AGBL4: variants seen among roughly 807,000 people sequenced by gnomAD.
AGBL4 encodes AGBL carboxypeptidase 4, also known as cytosolic carboxypeptidase 6.
A neutral mutation model predicts 66.4 loss-of-function variants in AGBL4; 58 were observed. The observed-to-expected ratio is 0.87, with a 90% confidence interval of 0.71 to 1.09. The LOEUF (loss-of-function observed/expected upper bound fraction) is 1.09. AGBL4 is among the 50% of genes least tolerant of loss of function. The probability of loss-of-function intolerance (pLI) is 0.00; values close to 1 mark genes in which losing one functional copy is unlikely to be tolerated. For missense variants in AGBL4, 579 were observed against 631.0 expected (o/e 0.92, Z 0.88); for synonymous variants, 234 against 222.9 (o/e 1.05, Z -0.44).
At chr1:49,713,075 T>C (rs1647796558) in intron 2 of AGBL4, among the ~76,000 whole-genome samples, 2 of 152,074 alleles carry the variant, frequency 1.3e-5, no homozygotes, top group African/African-American at 4.8e-5. Flanking sequence ...ATGGTTTGTA[T>C]TTTTTTATGT....
chr1:48,931,093 T>C (rs1449049247), intron 5 of AGBL4, among the ~76,000 whole-genome samples: 1 of 152,206 alleles, frequency 6.6e-6, no homozygotes, highest in African/African-American at 2.4e-5. Context: ...GCCATCTCAA[T>C]GATTTTTACT....
intron 8 of AGBL4, 143 bp from the exon 9 acceptor site, chr1:48,634,747 T>C: frequency 3.5e-6 from 2 of 565,772 alleles, no homozygotes; most frequent in East Asian, 6.3e-5. Flanking sequence ...AAGTACTTTA[T>C]ATGAGTTAAT....
chr1:49,601,428 T>C lies in AGBL4; in HGVS notation c.282+95885A>G, dbSNP rs1277287608. 2.6e-5 allele frequency among the ~76,000 whole-genome samples: 4 copies of C among 152,214 alleles called. No individual in the cohort carries two copies. The East Asian group carries it at 7.7e-4, about 29-fold the overall frequency. ...TCTTCCACTTGATAGATTTGGCTATTCATCCTTGTGTATGCTTCACGAAGT... is the reference window on the plus strand; with the variant it reads ...TCTTCCACTTGATAGATTTGGCTATCCATCCTTGTGTATGCTTCACGAAGT... On this transcript the variant is annotated intron_variant, in intron 3 of 13. Coordinates refer to ENST00000371839, the MANE Select transcript of AGBL4 (RefSeq NM_032785.4).
At chr1:49,134,423 C>T (rs1043243536) in intron 4 of AGBL4, among the ~76,000 whole-genome samples, 2 of 151,744 alleles carry the variant, frequency 1.3e-5, no homozygotes, top group African/African-American at 2.4e-5. Flanking sequence ...CGTGTTTTCT[C>T]CCTATCTACA....
intron 6 of AGBL4, among the ~76,000 whole-genome samples, chr1:48,831,756 A>G (rs763578929): frequency 6.6e-6 from 1 of 152,216 alleles, no homozygotes; most frequent in Non-Finnish European, 1.5e-5. Flanking sequence ...ATTCTCTCAT[A>G]CATAATCGGT....
At chr1:49,417,786 A>G (rs1645459803) in intron 3 of AGBL4, among the ~76,000 whole-genome samples, 1 of 152,140 alleles carries the variant, frequency 6.6e-6, no homozygotes, top group East Asian at 1.9e-4. Flanking sequence ...TTGACATGCA[A>G]TCAACTACAG....
intron 3 of AGBL4, among the ~76,000 whole-genome samples, chr1:49,671,483 T>G (rs1200527668): frequency 2.0e-5 from 3 of 151,954 alleles, no homozygotes; most frequent in Admixed American, 2.0e-4. Flanking sequence ...AATTGACAAA[T>G]GAGAACTAAT....
At chr1:49,052,769 C>T (rs1000776392) in intron 4 of AGBL4, among the ~76,000 whole-genome samples, 2 of 152,228 alleles carry the variant, frequency 1.3e-5, no homozygotes, top group African/African-American at 4.8e-5. Flanking sequence ...TTGCATAAAA[C>T]CTAGCATATA....
intron 4 of AGBL4, among the ~76,000 whole-genome samples, chr1:49,213,521 GC>G (rs1339210753): frequency 1.3e-5 from 2 of 151,800 alleles, no homozygotes; most frequent in Non-Finnish European, 2.9e-5. Context: ...TCCTATTTCC[GC>G]CATGTGAGAC....
At position 48,736,214 on chromosome 1, in the gene AGBL4, A is replaced by G. The variant is rs11205532; in HGVS notation, c.635-72973T>C. On this transcript the variant is annotated intron_variant, in intron 6 of 13. Transcript: ENST00000371839. This position sits in a 1 kb window ranked among gnomAD's most constrained non-coding sequence, Gnocchi z 4.0. ...CAGAGTAAAAGACAGAATCCCAGCCATTGTGTTTCCACTCAGTGACCTACC... is the reference window on the plus strand; with the variant it reads ...CAGAGTAAAAGACAGAATCCCAGCCGTTGTGTTTCCACTCAGTGACCTACC... 160 of 1,594,706 alleles carry G rather than the reference A, an allele frequency of 1.0e-4. No individual in the cohort carries two copies. The African/African-American group carries it at 1.9e-3, about 19-fold the overall frequency.
intron 3 of AGBL4, among the ~76,000 whole-genome samples, chr1:49,469,643 A>G (rs2148710485): frequency 1.3e-5 from 2 of 152,042 alleles, no homozygotes; most frequent in African/African-American, 4.8e-5. Flanking sequence ...ATAGTTGATG[A>G]TTCTTGCTAA....
intron 1 of AGBL4, chr1:49,866,065 G>T (rs902001780): frequency 5.2e-6 from 1 of 193,188 alleles, no homozygotes; most frequent in Non-Finnish European, 1.1e-5. Flanking sequence ...AGAGAAAGAA[G>T]AATAAAAAGA....
intron 1 of AGBL4, among the ~76,000 whole-genome samples, chr1:49,930,044 G>A (rs1329383569): frequency 1.3e-5 from 2 of 151,614 alleles, no homozygotes; most frequent in Non-Finnish European, 2.9e-5. Flanking sequence ...CTTTAAGAAA[G>A]CAAATAAAAT....
intron 3 of AGBL4, among the ~76,000 whole-genome samples, chr1:49,518,088 T>A (rs1268789434): frequency 2.0e-5 from 3 of 152,070 alleles, no homozygotes; most frequent in African/African-American, 7.2e-5. Context: ...CTCAAGAGAT[T>A]CACAGTTTGT....
At position 48,771,057 on chromosome 1, in the gene AGBL4, G is replaced by T. The variant is rs184738894; in HGVS notation, c.634+96134C>A. ...ATGTAGAATATGTGCACTGAACCTG[G>T]AACCAGGTGAGTATTTATAACATAT... On this transcript the variant is annotated intron_variant, in intron 6 of 13. Coordinates refer to ENST00000371839, the MANE Select transcript of AGBL4 (RefSeq NM_032785.4). Among the ~76,000 whole-genome samples, 479 of 152,314 alleles carry T rather than the reference G, an allele frequency of 3.1e-3. 2 individuals are homozygous for T. Among genetic ancestry groups the T allele is most frequent in the African/African-American group, 0.01 (427 of 41,570 alleles).
At chr1:48,696,845 G>T (rs1646720764) in intron 6 of AGBL4, among the ~76,000 whole-genome samples, 2 of 152,268 alleles carry the variant, frequency 1.3e-5, no homozygotes, top group Non-Finnish European at 2.9e-5. Context: ...AGAATCAAGG[G>T]TAGCCCTTGA....
At chr1:49,257,954 C>G (rs1652702198) in intron 3 of AGBL4, among the ~76,000 whole-genome samples, 1 of 152,170 alleles carries the variant, frequency 6.6e-6, no homozygotes, top group Non-Finnish European at 1.5e-5. Flanking sequence ...GGGTACTCCT[C>G]TGAGACAAAA....
chr1:48,689,219 A>AAAAAAAAG (rs1553207682), intron 6 of AGBL4, among the ~76,000 whole-genome samples: 2 of 141,514 alleles, frequency 1.4e-5, no homozygotes, highest in African/African-American at 6.2e-5. Context: ...AAAAAAAAAA[A>AAAAAAAAG]AAAAGAAAAG....
intron 9 of AGBL4, among the ~76,000 whole-genome samples, chr1:48,600,452 G>T (rs1645057520): frequency 6.6e-6 from 1 of 151,782 alleles, no homozygotes; most frequent in Non-Finnish European, 1.5e-5. Flanking sequence ...TGGTTGTGTG[G>T]GAACCCGAGA....
Sources: allele counts gnomAD v4.1 joint callset (sites outside exome capture counted in the v4.1 genomes callset), GRCh38; gene constraint gnomAD v4.1.1; non-coding constraint Gnocchi (gnomAD v3.1); transcripts MANE v1.5; gene names NCBI Gene and HGNC (gene_info 2026-07-23, HGNC 2026-07-21).